TMEM45A: variants seen among roughly 807,000 people sequenced by gnomAD.
TMEM45A encodes the protein transmembrane protein 45A.
In TMEM45A, 25 loss-of-function variants were observed where a neutral mutation model predicts 32.0. The observed-to-expected ratio is 0.78, with a 90% CI of 0.57 to 1.09. The LOEUF is 1.09. Among genes scored for constraint, TMEM45A ranks in the 50% least tolerant of loss-of-function variants. TMEM45A has a pLI of 0.00. For missense variants in TMEM45A, 302 were observed against 325.0 expected, an observed-to-expected ratio of 0.93 and a Z score of 0.54; for synonymous variants, 122 against 114.8, an observed-to-expected ratio of 1.06 and a Z score of -0.40.
intron 1 of TMEM45A, among the ~76,000 whole-genome samples, chr3:100,543,320 A>T (rs966339807): frequency 1.3e-5 from 2 of 152,126 alleles, no homozygotes; most frequent in African/African-American, 2.4e-5. Context: ...ACTTTTTTTG[A>T]CATATACAAG....
intron 2 of TMEM45A, 120 bp downstream of exon 2, chr3:100,555,521 C>A: frequency 1.8e-6 from 2 of 1,086,200 alleles, no homozygotes; most frequent in Non-Finnish European, 2.6e-6. Flanking sequence ...AAGAATAAAC[C>A]CTATCAAAAA....
At chr3:100,536,995 C>T (rs1335719350) in intron 1 of TMEM45A, among the ~76,000 whole-genome samples, 1 of 152,198 alleles carries the variant, frequency 6.6e-6, no homozygotes, top group Non-Finnish European at 1.5e-5. Context: ...GATCTCGGCT[C>T]ACTACAACTT....
intron 1 of TMEM45A, among the ~76,000 whole-genome samples, chr3:100,552,148 T>C (rs1706119038): frequency 1.3e-5 from 2 of 152,224 alleles, no homozygotes; most frequent in African/African-American, 2.4e-5. Context: ...TCTAAATATT[T>C]AAAAGCAACC....
chr3:100,575,900 A>G (rs1457229743), intron 5 of TMEM45A, among the ~76,000 whole-genome samples: 1 of 152,196 alleles, frequency 6.6e-6, no homozygotes, highest in East Asian at 1.9e-4. Flanking sequence ...CACTTCCTTT[A>G]TATGATATAG....
intron 4 of TMEM45A, among the ~76,000 whole-genome samples, chr3:100,565,545 G>C (rs1371814308): frequency 6.6e-6 from 1 of 151,350 alleles, no homozygotes; most frequent in Non-Finnish European, 1.5e-5. Flanking sequence ...TTTTATTATC[G>C]AGATAATAAG....
intron 1 of TMEM45A, among the ~76,000 whole-genome samples, chr3:100,502,318 TTCTC>T (rs1708017939): frequency 6.6e-6 from 1 of 152,130 alleles, no homozygotes; most frequent in African/African-American, 2.4e-5. Flanking sequence ...AATTTTTTCT[TTCTC>T]TCTCCTTACA....
At chr3:100,513,360 A>G (rs1355969299) in intron 1 of TMEM45A, among the ~76,000 whole-genome samples, 11 of 151,994 alleles carry the variant, frequency 7.2e-5, no homozygotes, top group Non-Finnish European at 1.2e-4. Context: ...TATAAACAGA[A>G]CCAAAGACAA....
intron 1 of TMEM45A, among the ~76,000 whole-genome samples, chr3:100,548,261 T>A (rs1706019685): frequency 6.6e-6 from 1 of 152,184 alleles, no homozygotes; most frequent in Non-Finnish European, 1.5e-5. Flanking sequence ...ACAAATGGCC[T>A]CTGGAGTACA....
chr3:100,508,914 G>A (rs1326569926), intron 1 of TMEM45A, among the ~76,000 whole-genome samples: 1 of 151,910 alleles, frequency 6.6e-6, no homozygotes, highest in Non-Finnish European at 1.5e-5. Flanking sequence ...CTAGGCAATG[G>A]TATTATGATT....
At chr3:100,546,827 G>A (rs1705988120) in intron 1 of TMEM45A, among the ~76,000 whole-genome samples, 1 of 152,204 alleles carries the variant, frequency 6.6e-6, no homozygotes, top group Admixed American at 6.5e-5. Context: ...TCTTAGGTAA[G>A]GGATTTGGAG....
At chr3:100,538,358 A>C (rs1390777552) in intron 1 of TMEM45A, among the ~76,000 whole-genome samples, 1 of 132,904 alleles carries the variant, frequency 7.5e-6, no homozygotes, top group Non-Finnish European at 1.7e-5. Context: ...AAGATAAGTT[A>C]AACACAAAAC....
At chr3:100,510,854 A>G (rs1708149133) in intron 1 of TMEM45A, among the ~76,000 whole-genome samples, 1 of 152,386 alleles carries the variant, frequency 6.6e-6, no homozygotes, top group African/African-American at 2.4e-5. Context: ...GATGCGATCA[A>G]CTGGAAGAAA....
In TMEM45A at chr3:100,506,752, G is replaced by A. The variant is rs571469250; in HGVS notation, c.-4+13824G>A. ...TCCTAAGAGGTTGGAGCTAAGAGTC[G>A]TAGGTAATGGTGATGGTTGGGTGAG... On this transcript the variant is annotated intron_variant, in intron 1 of 5. Coordinates refer to ENST00000323523, the MANE Select transcript of TMEM45A (RefSeq NM_018004.3). Among the ~76,000 whole-genome samples, 17 of 152,328 alleles carry A rather than the reference G, an allele frequency of 1.1e-4. No individual in the cohort carries two copies. In the South Asian group the frequency reaches 3.3e-3, roughly 30 times the overall value.
At chr3:100,534,677 G>A (rs770444531) in intron 1 of TMEM45A, among the ~76,000 whole-genome samples, 1 of 152,158 alleles carries the variant, frequency 6.6e-6, no homozygotes, top group Non-Finnish European at 1.5e-5. Context: ...TGTAATTAGT[G>A]GTAATTTGTT....
At chr3:100,530,876 C>A (rs1337080093) in intron 1 of TMEM45A, among the ~76,000 whole-genome samples, 2 of 152,020 alleles carry the variant, frequency 1.3e-5, no homozygotes, top group Non-Finnish European at 2.9e-5. Context: ...CTATTTTGTC[C>A]TGTAGAATTT....
intron 1 of TMEM45A, among the ~76,000 whole-genome samples, chr3:100,523,261 G>A (rs1462882301): frequency 6.6e-6 from 1 of 152,130 alleles, no homozygotes; most frequent in Non-Finnish European, 1.5e-5. Context: ...AACTGGTCTG[G>A]GTGGAATTCA....
intron 4 of TMEM45A, among the ~76,000 whole-genome samples, chr3:100,561,836 G>A (rs7611100): frequency 0.47 from 71,171 of 151,946 alleles, 17,235 homozygotes; most frequent in African/African-American, 0.58. Flanking sequence ...AGCTCCACTA[G>A]TCCCCCCAGA....
chr3:100,543,576 T>G (rs1705928339), intron 1 of TMEM45A, among the ~76,000 whole-genome samples: 1 of 152,222 alleles, frequency 6.6e-6, no homozygotes, highest in South Asian at 2.1e-4. Flanking sequence ...TTAATTTGGT[T>G]TTCTTTGCTT....
At chr3:100,551,087 G>C (rs1053057760) in intron 1 of TMEM45A, among the ~76,000 whole-genome samples, 23 of 146,618 alleles carry the variant, frequency 1.6e-4, no homozygotes, top group African/African-American at 4.3e-4. Flanking sequence ...GATCTCGGCT[G>C]ACTGCAAGCT....
Sources: gnomAD v4.1 joint callset for allele counts (sites outside exome capture counted in the v4.1 genomes callset) on GRCh38, gnomAD v4.1.1 for gene constraint, MANE v1.5 for transcripts, NCBI Gene and HGNC (gene_info 2026-07-23, HGNC 2026-07-21) for gene names.